The following GRIA2 variants were observed in gnomAD, a reference collection of about 807,000 sequenced individuals.
GRIA2 encodes the protein glutamate ionotropic receptor AMPA type subunit 2.
GRIA2 carries 14 observed loss-of-function variants against 97.3 expected under a neutral mutation model. That is an observed-to-expected ratio of 0.14 (90% confidence interval 0.10 to 0.23). The LOEUF (loss-of-function observed/expected upper bound fraction) is 0.23, where lower values mean the gene tolerates loss of function less well. Ranked by LOEUF, GRIA2 falls within the 10% of genes least tolerant of loss-of-function variation. The pLI, the probability that GRIA2 is intolerant of heterozygous loss-of-function variation, is 1.00. For missense variants in GRIA2, 558 were observed against 1,069.8 expected (o/e 0.52, Z 6.67); for synonymous variants, 412 against 387.8 (o/e 1.06, Z -0.73).
At chr4:157,359,185 T>C (rs1490100935) in intron 12 of GRIA2, among the ~76,000 whole-genome samples, 1 of 152,200 alleles carries the variant, frequency 6.6e-6, no homozygotes, top group East Asian at 1.9e-4. Flanking sequence ...AAGATAAATA[T>C]TCCTTTAATA....
chr4:157,262,030 C>T (rs1156881093), intron 2 of GRIA2, among the ~76,000 whole-genome samples: 7 of 152,066 alleles, frequency 4.6e-5, no homozygotes, highest in South Asian at 4.1e-4. Flanking sequence ...GGAAATATAA[C>T]GTCCTCTTTA....
Position 157,294,458 on chromosome 4 carries a change from A to C in GRIA2, c.230-9094A>C, listed in dbSNP as rs192976090. On this transcript the variant is annotated intron_variant, in intron 2 of 15. Coordinates refer to ENST00000264426, the MANE Select transcript of GRIA2 (RefSeq NM_001083619.3). ...TATAAACATGAAGAAGAGAAAAAAA[A>C]AGAGAGAGAGAGAAAACAGAGCAAG... Among the ~76,000 whole-genome samples, 144 of 152,052 alleles carry C rather than the reference A, an allele frequency of 9.5e-4. 1 individual carries two copies. The East Asian group carries it at 0.023, about 24-fold the overall frequency.
At chr4:157,222,831 A>G (rs1729565665) in intron 2 of GRIA2, among the ~76,000 whole-genome samples, 1 of 152,134 alleles carries the variant, frequency 6.6e-6, no homozygotes, top group South Asian at 2.1e-4. Flanking sequence ...ATCTAAAAGG[A>G]TTGGTGTGGA....
rs749913990 is a variant in GRIA2 at position 157,364,951 on chromosome 4, A to C, written c.*1520A>C. On this transcript the variant is annotated 3_prime_UTR_variant, in exon 16 of 16. Transcript: ENST00000264426. ...TCTAGTTAATGAATTTAAAGGATCT[A>C]TCTTTCCCTTCATAAAATACCTCTT... 28 of 151,704 alleles carry C rather than the reference A, an allele frequency of 1.8e-4. No individual in the cohort carries two copies. The highest frequency in any genetic ancestry group is 1.9e-4 in the Non-Finnish European group (13 of 67,726). 9.4% of individuals were successfully genotyped at this position (151,704 alleles called of 1,614,324 possible).
chr4:157,300,772 T>C (rs1179902620), intron 2 of GRIA2, among the ~76,000 whole-genome samples: 2 of 152,118 alleles, frequency 1.3e-5, no homozygotes, highest in Non-Finnish European at 2.9e-5. Flanking sequence ...TCTTCTGAGT[T>C]AGGTGGATCA....
chr4:157,250,050 A>G (rs901425456), intron 2 of GRIA2, among the ~76,000 whole-genome samples: 1 of 152,146 alleles, frequency 6.6e-6, no homozygotes, highest in Non-Finnish European at 1.5e-5. Flanking sequence ...TTAAATTGGA[A>G]TTAGTGGTTA....
chr4:157,315,831 T>C (rs1370410695), intron 4 of GRIA2, among the ~76,000 whole-genome samples: 2 of 152,132 alleles, frequency 1.3e-5, no homozygotes. Context: ...GGACTATGGG[T>C]ATTTTATTAT....
At chr4:157,233,898 G>A (rs922281565) in intron 2 of GRIA2, among the ~76,000 whole-genome samples, 4 of 152,188 alleles carry the variant, frequency 2.6e-5, no homozygotes, top group Middle Eastern at 3.4e-3. Context: ...AAACAAAACA[G>A]AAATTTATGT....
intron 2 of GRIA2, among the ~76,000 whole-genome samples, chr4:157,288,061 C>T (rs184255461): frequency 1.4e-3 from 205 of 151,704 alleles, no homozygotes; most frequent in African/African-American, 4.7e-3. Context: ...AAGTATTATA[C>T]ATTTTTAGGA....
At position 157,312,804 on chromosome 4, in the gene GRIA2, C is replaced by A. The variant is rs143633429; in HGVS notation, c.595C>A (p.Leu199Met). 1 of 1,611,388 alleles carries A rather than the reference C, an allele frequency of 6.2e-7. No homozygotes were observed. The highest frequency in any genetic ancestry group is 8.5e-7 in the Non-Finnish European group (1 of 1,177,978). ...GATGTACCGATCACTTTTTCAAGATCTGGAGTTAAAAAAGGAACGGCGTGT... is the reference window on the plus strand; with the variant it reads ...GATGTACCGATCACTTTTTCAAGATATGGAGTTAAAAAAGGAACGGCGTGT... ...DEMYRSLFQDLELKKERRVIL... is the reference protein window; with the variant it reads ...DEMYRSLFQDMELKKERRVIL... The change falls in exon 4 of 16, where the codon CTG becomes ATG. Residue 199 changes from leucine (L) to methionine (M), a missense_variant. Leu to Met is a conservative substitution (Grantham distance 15, BLOSUM62 2). This residue lies in a region of GRIA2 where 173 missense variants were observed against 209.1 expected (regional missense o/e 0.83). Coordinates refer to ENST00000264426, the MANE Select transcript of GRIA2 (RefSeq NM_001083619.3).
At chr4:157,248,097 T>A (rs1185569755) in intron 2 of GRIA2, among the ~76,000 whole-genome samples, 3 of 151,236 alleles carry the variant, frequency 2.0e-5, no homozygotes, top group Non-Finnish European at 4.4e-5. Context: ...ATATCATATT[T>A]TATATATATA....
chr4:157,343,989 A>G (rs1413206182), intron 12 of GRIA2, among the ~76,000 whole-genome samples: 1 of 152,182 alleles, frequency 6.6e-6, no homozygotes, highest in Non-Finnish European at 1.5e-5. Context: ...AATGTTTTCT[A>G]GGATACTATG....
At position 157,360,159 on chromosome 4, in the gene GRIA2, TAACAA is replaced by T; in HGVS notation, c.2291+17_2291+21del. ...CCTCATTAAGGTGGGTGGAATAGTATAACAATATGCTAAATGTTGTTATAGTATCC... is the reference window on the plus strand; with the variant it reads ...CCTCATTAAGGTGGGTGGAATAGTATTATGCTAAATGTTGTTATAGTATCC... On this transcript the variant is annotated intron_variant, in intron 13 of 15. Transcript: ENST00000264426. 6.2e-7 allele frequency: 1 copy of T among 1,611,608 alleles called. No individual in the cohort carries two copies. The highest frequency in any genetic ancestry group is 8.5e-7 in the Non-Finnish European group (1 of 1,178,132).
chr4:157,334,154 A>G (rs778790640), intron 9 of GRIA2, 34 bp downstream of exon 9: 5 of 1,009,370 alleles, frequency 5.0e-6, no homozygotes, highest in Non-Finnish European at 6.4e-6. Context: ...TTTACTTTGT[A>G]TTTTCTTATG....
At chr4:157,302,513 T>G (rs968370504) in intron 2 of GRIA2, among the ~76,000 whole-genome samples, 1 of 152,150 alleles carries the variant, frequency 6.6e-6, no homozygotes, top group Non-Finnish European at 1.5e-5. Context: ...TATGCAAGTG[T>G]CTTTGGTAGT....
chr4:157,247,316 T>A (rs989332559), intron 2 of GRIA2, among the ~76,000 whole-genome samples: 9 of 152,134 alleles, frequency 5.9e-5, no homozygotes, highest in African/African-American at 2.2e-4. Context: ...CTGAATATGT[T>A]TGGTACATGA....
Position 157,248,555 on chromosome 4 carries a change from A to ATATATATACACGTGTG in GRIA2, c.229+26756_229+26757insCACGTGTGTATATATA, listed in dbSNP as rs1561009281. On this transcript the variant is annotated intron_variant, in intron 2 of 15. Transcript: ENST00000264426. The stretch of plus-strand genomic sequence containing the variant: ...TGTGTGTGTTTATGTGTGTGTGTGT[A>ATATATATACACGTGTG]TATATATATACGTGTGTATATATAT... Among the ~76,000 whole-genome samples, 68 of 28,140 alleles carry ATATATATACACGTGTG rather than the reference A, an allele frequency of 2.4e-3. 2 individuals are homozygous for ATATATATACACGTGTG. Among genetic ancestry groups the ATATATATACACGTGTG allele is most frequent in the African/African-American group, 0.01 (67 of 6,454 alleles). The allele number at this position is 28,140 out of a possible 152,430, so 18.5% of individuals were successfully genotyped here. A position where few individuals can be genotyped will look rare whatever the true frequency, so the allele number is the denominator to read the frequency against.
In GRIA2 at chr4:157,341,244, C is replaced by G; in HGVS notation, c.1845-20C>G. 4 of 1,551,952 alleles carry G rather than the reference C, an allele frequency of 2.6e-6. No individual in the cohort carries two copies. Among genetic ancestry groups the G allele is most frequent in the Non-Finnish European group, 3.6e-6 (4 of 1,124,540 alleles). On this transcript the variant is annotated intron_variant, in intron 11 of 15. Coordinates refer to ENST00000264426, the MANE Select transcript of GRIA2 (RefSeq NM_001083619.3). ...GGTCATTCATTTCACTTTACAAATC[C>G]ATTTCATACTTGTTATTAGATCCCT...
intron 2 of GRIA2, among the ~76,000 whole-genome samples, chr4:157,264,897 C>CCA (rs1405572924): frequency 7.2e-5 from 11 of 151,864 alleles, no homozygotes; most frequent in African/African-American, 2.2e-4. Flanking sequence ...TCTCTCTCAC[C>CCA]CACACACACA....
Sources: allele counts gnomAD v4.1 joint callset (sites outside exome capture counted in the v4.1 genomes callset), GRCh38; gene constraint gnomAD v4.1.1; regional missense constraint gnomAD v4.1.1; transcripts MANE v1.5; gene names NCBI Gene and HGNC (gene_info 2026-07-23, HGNC 2026-07-21).